The following SMG5 variants were observed in gnomAD, a reference collection of about 807,000 sequenced individuals.
The protein encoded by SMG5 is SMG5 nonsense mediated mRNA decay factor, also known as nonsense-mediated mRNA decay factor SMG5.
A neutral mutation model predicts 122.9 loss-of-function variants in SMG5; 53 were observed. The observed-to-expected ratio is 0.43, with a 90% CI of 0.35 to 0.54. SMG5 has a LOEUF of 0.54. SMG5 is among the 20% of genes least tolerant of loss of function. SMG5 has a pLI of 0.01. For synonymous variants in SMG5, 477 were observed against 490.2 expected (o/e 0.97, Z 0.35); for missense variants, 1,153 against 1,285.6 (o/e 0.90, Z 1.58).
intron 6 of SMG5, 32 bp downstream of exon 6, chr1:156,273,328 TG>T: frequency 1.3e-6 from 2 of 1,585,978 alleles, no homozygotes; most frequent in South Asian, 1.1e-5. Context: ...AAAACCCTAC[TG>T]GATTCAGAGG....
chr1:156,288,824 C>T, the SMG5 span, among the ~76,000 whole-genome samples: 1 of 152,152 alleles, frequency 6.6e-6, no homozygotes, highest in African/African-American at 2.4e-5. Context: ...TAAATATGTT[C>T]CTGCTCATGT....
At position 156,266,250 on chromosome 1, in the gene SMG5, G is replaced by A. The variant is rs747317718; in HGVS notation, c.1386C>T (p.Arg462=). Residue 462 remains arginine, a synonymous_variant, in exon 12 of 22, where the codon CGC becomes CGT. Coordinates refer to ENST00000361813, the MANE Select transcript of SMG5 (RefSeq NM_015327.3). ...KFSRLSCLRR[R]RHPPKVGDDS... Reference sequence around the variant, plus strand: ...CATCACCAACTTTGGGTGGGTGGCGGCGACGGCGGAGACAGGAGAGGCGAG... The same window carrying A: ...CATCACCAACTTTGGGTGGGTGGCGACGACGGCGGAGACAGGAGAGGCGAG... 6.2e-7 allele frequency: 1 copy of A among 1,614,224 alleles called. No homozygotes were observed. The highest frequency in any genetic ancestry group is 1.7e-5 in the Admixed American group (1 of 60,032).
chr1:156,252,569 AG>A (rs1326725439), intron 18 of SMG5, 65 bp from the exon 19 acceptor site: 13 of 1,528,224 alleles, frequency 8.5e-6, no homozygotes, highest in South Asian at 2.3e-5. Context: ...GGGGCTCTGG[AG>A]GAAGTATCTG....
rs138072172 is a variant in SMG5, at chr1:156,253,358, G to C, written c.2502+91C>G. On this transcript the variant is annotated intron_variant, in intron 17 of 21. Transcript: ENST00000361813. Reference sequence around the variant, plus strand: ...AGGGACACAGAGGCAACAGAGCAGGGGGACTACAGCGGAAGGGGGAGACCT... The same window carrying C: ...AGGGACACAGAGGCAACAGAGCAGGCGGACTACAGCGGAAGGGGGAGACCT... The C allele has an allele frequency of 1.6e-3, 2,093 of 1,312,566 alleles. 35 individuals carry two copies. In the African/African-American group the frequency reaches 0.026, roughly 16 times the overall value. 81.3% of individuals were successfully genotyped at this position (1,312,566 alleles called of 1,614,324 possible). A position where few individuals can be genotyped will look rare whatever the true frequency, so the allele number is the denominator to read the frequency against.
intron 18 of SMG5, 179 bp from the exon 19 acceptor site, chr1:156,252,683 C>T: frequency 2.7e-6 from 2 of 748,708 alleles, no homozygotes; most frequent in East Asian, 5.4e-5. Flanking sequence ...ATATACTTGG[C>T]AATTTACCAA....
chr1:156,279,346 A>G (rs1662833297), intron 1 of SMG5, among the ~76,000 whole-genome samples: 1 of 151,918 alleles, frequency 6.6e-6, no homozygotes, highest in Non-Finnish European at 1.5e-5. Context: ...TGTAATACAC[A>G]GGACAGTCCA....
intron 1 of SMG5, 113 bp from the exon 2 acceptor site, chr1:156,279,147 G>A (rs1196429052): frequency 1.1e-6 from 1 of 889,014 alleles, no homozygotes; most frequent in Non-Finnish European, 1.8e-6. Flanking sequence ...AGGGAAAAAG[G>A]AGAAGGCTGC....
chr1:156,289,009 T>G, the SMG5 span, among the ~76,000 whole-genome samples: 1 of 152,204 alleles, frequency 6.6e-6, no homozygotes, highest in Non-Finnish European at 1.5e-5. Flanking sequence ...CTCAGGTCAG[T>G]CGGCAATAGT....
At chr1:156,263,692 A>G in intron 12 of SMG5, 122 bp from the exon 13 acceptor site, 2 of 1,080,332 alleles carry the variant, frequency 1.9e-6, no homozygotes, top group Non-Finnish European at 2.6e-6. Context: ...AGGAATTTGG[A>G]TATGAAAAAT....
At chr1:156,264,007 C>A (rs543850895) in intron 12 of SMG5, among the ~76,000 whole-genome samples, 1 of 152,140 alleles carries the variant, frequency 6.6e-6, no homozygotes, top group African/African-American at 2.4e-5. Flanking sequence ...TGGTGGCTCA[C>A]GCCTGTAATC....
chr1:156,265,577 C>T (rs948182503), intron 12 of SMG5, among the ~76,000 whole-genome samples: 6 of 152,154 alleles, frequency 3.9e-5, no homozygotes, highest in African/African-American at 1.4e-4. Context: ...ATAAAACCAA[C>T]AAATGGGTTG....
intron 5 of SMG5, 114 bp from the exon 6 acceptor site, chr1:156,273,564 C>T (rs759150613): frequency 9.1e-6 from 9 of 987,542 alleles, no homozygotes; most frequent in South Asian, 4.4e-5. Flanking sequence ...AGGAAGGTAC[C>T]TGAGCTAGGA....
upstream of SMG5, chr1:156,285,791 T>TGTGGAGACC: frequency 6.2e-7 from 1 of 1,613,560 alleles, no homozygotes; most frequent in South Asian, 1.1e-5. Context: ...CTGTGGGGGC[T>TGTGGAGACC]GCGGGAGCTG....
chr1:156,251,325 AC>A, intron 20 of SMG5, 77 bp downstream of exon 20: 1 of 1,514,596 alleles, frequency 6.6e-7, no homozygotes, highest in Non-Finnish European at 9.2e-7. Context: ...ATCCAGCCCT[AC>A]CCGTTCTCCC....
Position 156,267,598 on chromosome 1 carries a change from G to A in SMG5, c.989C>T (p.Ser330Leu). The A allele has an allele frequency of 1.2e-6, 2 of 1,614,024 alleles. No individual in the cohort carries two copies. Among genetic ancestry groups the A allele is most frequent in the Non-Finnish European group, 1.7e-6 (2 of 1,179,976 alleles). Residue 330 changes from serine (S) to leucine (L), a missense_variant, in exon 10 of 22, where the codon TCA becomes TTA. Ser to Leu is a moderately radical substitution (Grantham distance 145). Transcript: ENST00000361813. The part of the protein sequence containing the change: ...FNLCLFYLPS[S>L]PNLSLASEDE... ...CTCACTGGCCAGGCTGAGGTTGGGT[G>A]AGGAGGGCAGGTAGAAGAGGCAGAG...
At chr1:156,258,673 G>A (rs564110070) in intron 16 of SMG5, among the ~76,000 whole-genome samples, 2 of 152,258 alleles carry the variant, frequency 1.3e-5, no homozygotes, top group East Asian at 3.9e-4. Flanking sequence ...GCGTGCGCCT[G>A]TAGTCCCAGC....
chr1:156,253,213 C>CT, intron 17 of SMG5, 135 bp from the exon 18 acceptor site: 1 of 1,085,004 alleles, frequency 9.2e-7, no homozygotes, highest in Non-Finnish European at 1.3e-6. Flanking sequence ...CTACCAATGG[C>CT]TTTGGGGGAA....
upstream of SMG5, chr1:156,286,251 TCCA>T: frequency 6.2e-7 from 1 of 1,613,624 alleles, no homozygotes; most frequent in Non-Finnish European, 8.5e-7. Context: ...GTTTCCCAAC[TCCA>T]CCCAGGGATC....
chr1:156,290,841 A>T, the SMG5 span: 3 of 150,784 alleles, frequency 2.0e-5, no homozygotes, highest in Non-Finnish European at 4.4e-5. Context: ...AAATAAAAAA[A>T]TAATAATAAT....
Sources: gnomAD v4.1 joint callset for allele counts (sites outside exome capture counted in the v4.1 genomes callset) on GRCh38, gnomAD v4.1.1 for gene constraint, MANE v1.5 for transcripts, NCBI Gene and HGNC (gene_info 2026-07-23, HGNC 2026-07-21) for gene names.